Variants in ZNF385D observed in about 807,000 individuals in gnomAD.
ZNF385D encodes the protein zinc finger protein 659.
ZNF385D carries 15 observed loss-of-function variants against 35.8 expected under a neutral mutation model. That is an observed-to-expected ratio of 0.42 (90% CI 0.28 to 0.64). The LOEUF is 0.64. Ranked by LOEUF, ZNF385D falls within the 30% of genes least tolerant of loss-of-function variation. The pLI, the probability that ZNF385D is intolerant of heterozygous loss-of-function variation, is 0.23. For synonymous variants in ZNF385D, 212 were observed against 186.8 expected, an observed-to-expected ratio of 1.13 and a Z score of -1.10; for missense variants, 474 against 494.6, an observed-to-expected ratio of 0.96 and a Z score of 0.39.
intron 1 of ZNF385D, among the ~76,000 whole-genome samples, chr3:21,746,968 G>C (rs1035483291): frequency 1.3e-5 from 2 of 151,430 alleles, no homozygotes; most frequent in Non-Finnish European, 2.9e-5. Context: ...TCCTTCCTAA[G>C]ACAATGTACA....
At chr3:21,769,323 T>C (rs1369151674) in intron 3 of ZNF385D, among the ~76,000 whole-genome samples, 1 of 137,978 alleles carries the variant, frequency 7.2e-6, no homozygotes, top group Non-Finnish European at 1.5e-5. Context: ...CATGATTGTA[T>C]ATCTAGAAAA....
intron 2 of ZNF385D, among the ~76,000 whole-genome samples, chr3:22,268,751 G>A (rs955013153): frequency 6.6e-6 from 1 of 152,000 alleles, no homozygotes; most frequent in African/African-American, 2.4e-5. Context: ...AAGTATGCAT[G>A]TAAGTGAAAC....
intron 2 of ZNF385D, among the ~76,000 whole-genome samples, chr3:22,360,690 G>C (rs17011249): frequency 0.04 from 6,083 of 152,026 alleles, 251 homozygotes; most frequent in East Asian, 0.19. Flanking sequence ...TCACAGTAGA[G>C]AGCATGAAAG....
At chr3:21,446,793 T>G (rs1249017633) in intron 4 of ZNF385D, among the ~76,000 whole-genome samples, 2 of 30,842 alleles carry the variant, frequency 6.5e-5, no homozygotes, top group Non-Finnish European at 1.5e-4. Context: ...GTGCCTGGCC[T>G]AAACAAACTT....
chr3:22,202,219 A>G (rs1338129784), intron 2 of ZNF385D, among the ~76,000 whole-genome samples: 2 of 152,126 alleles, frequency 1.3e-5, no homozygotes, highest in Non-Finnish European at 2.9e-5. Context: ...CACTTAAGAA[A>G]GCTCATAGAA....
intron 3 of ZNF385D, among the ~76,000 whole-genome samples, chr3:21,950,412 T>C (rs1475294217): frequency 2.0e-5 from 3 of 151,882 alleles, no homozygotes; most frequent in East Asian, 1.9e-4. Flanking sequence ...GTTTTTTTCT[T>C]GTAAACTTGC....
chr3:21,588,614 T>TA, intron 2 of ZNF385D, among the ~76,000 whole-genome samples: 1 of 152,266 alleles, frequency 6.6e-6, no homozygotes, highest in Non-Finnish European at 1.5e-5. Context: ...AAATAATTTT[T>TA]AAAAGTCTGT....
intron 1 of ZNF385D, among the ~76,000 whole-genome samples, chr3:21,728,313 A>AT (rs397948983): frequency 1.4e-5 from 2 of 147,686 alleles, no homozygotes; most frequent in Admixed American, 6.8e-5. Flanking sequence ...AATAATAATA[A>AT]AAGCAGACGT....
At chr3:22,293,973 G>A (rs904414319) in intron 2 of ZNF385D, among the ~76,000 whole-genome samples, 1 of 151,290 alleles carries the variant, frequency 6.6e-6, no homozygotes, top group African/African-American at 2.4e-5. Context: ...TGGGATCAAT[G>A]AATTTTCTTC....
chr3:21,791,149 A>C (rs1233636508), intron 3 of ZNF385D, among the ~76,000 whole-genome samples: 1 of 152,196 alleles, frequency 6.6e-6, no homozygotes, highest in Non-Finnish European at 1.5e-5. Context: ...CAGCATTTAT[A>C]AGCTTTATTG....
At chr3:22,039,727 A>G (rs1576207216) in intron 3 of ZNF385D, among the ~76,000 whole-genome samples, 2 of 152,158 alleles carry the variant, frequency 1.3e-5, no homozygotes, top group East Asian at 1.9e-4. Flanking sequence ...GAGCCCGAAT[A>G]TTATAACTAA....
chr3:21,971,538 A>G (rs905408185), intron 3 of ZNF385D, among the ~76,000 whole-genome samples: 3 of 151,938 alleles, frequency 2.0e-5, no homozygotes, highest in Non-Finnish European at 4.4e-5. Context: ...CACCTTCACT[A>G]AAAGGAAGAC....
intron 3 of ZNF385D, among the ~76,000 whole-genome samples, chr3:21,820,375 A>G (rs2073349091): frequency 6.6e-6 from 1 of 151,940 alleles, no homozygotes; most frequent in African/African-American, 2.4e-5. Context: ...TTCATGAATT[A>G]TGAATAAATC....
chr3:22,104,026 A>C (rs1378273828), intron 3 of ZNF385D, among the ~76,000 whole-genome samples: 2 of 152,158 alleles, frequency 1.3e-5, no homozygotes, highest in Admixed American at 1.3e-4. Context: ...ATATATAAAA[A>C]TCACATTATA....
Position 21,437,211 on chromosome 3 carries a change from C to CA in ZNF385D, c.440-9dup. ...GTGTCCCTGCAGTACCGTCTGTATT[C>CA]AAAATAACACAGAAAAAAGGGGGAA... On this transcript the variant is annotated splice_polypyrimidine_tract_variant and intron_variant, in intron 4 of 7. Coordinates refer to ENST00000281523, the MANE Select transcript of ZNF385D (RefSeq NM_024697.3). 6.2e-7 allele frequency: 1 copy of CA among 1,601,672 alleles called. No homozygotes were observed. The highest frequency in any genetic ancestry group is 8.5e-7 in the Non-Finnish European group (1 of 1,173,524).
intron 3 of ZNF385D, among the ~76,000 whole-genome samples, chr3:21,858,174 G>C (rs1482359850): frequency 7.5e-6 from 1 of 132,658 alleles, no homozygotes; most frequent in East Asian, 2.3e-4. Context: ...AAAAAAAAAA[G>C]GGAAATACAA....
At chr3:22,229,108 C>G (rs1698733303) in intron 2 of ZNF385D, among the ~76,000 whole-genome samples, 1 of 152,170 alleles carries the variant, frequency 6.6e-6, no homozygotes, top group Non-Finnish European at 1.5e-5. Flanking sequence ...TACCTTTATC[C>G]TATTAGTCCT....
At chr3:21,524,548 G>C (rs945367915) in intron 3 of ZNF385D, among the ~76,000 whole-genome samples, 1 of 152,068 alleles carries the variant, frequency 6.6e-6, no homozygotes, top group Non-Finnish European at 1.5e-5. Context: ...CTCACACTAA[G>C]TTAACTAGAA....
At chr3:21,835,865 A>G (rs1021268802) in intron 3 of ZNF385D, among the ~76,000 whole-genome samples, 3 of 151,784 alleles carry the variant, frequency 2.0e-5, no homozygotes, top group Non-Finnish European at 4.4e-5. Flanking sequence ...ATTATATTCC[A>G]TAATCCCTCA....
Sources: allele counts gnomAD v4.1 joint callset (sites outside exome capture counted in the v4.1 genomes callset), GRCh38; gene constraint gnomAD v4.1.1; transcripts MANE v1.5; gene names NCBI Gene and HGNC (gene_info 2026-07-23, HGNC 2026-07-21).